PLGRKT: variants seen among roughly 807,000 people sequenced by gnomAD.
PLGRKT encodes the protein plasminogen receptor (KT).
A neutral mutation model predicts 18.5 loss-of-function variants in PLGRKT; 22 were observed. The observed-to-expected ratio is 1.19, with a 90% CI of 0.85 to 1.70. The LOEUF is 1.70. Ranked by LOEUF, PLGRKT falls within the 40% of genes most tolerant of loss-of-function variation. PLGRKT has a pLI of 0.00. For synonymous variants in PLGRKT, 72 were observed against 52.8 expected, an observed-to-expected ratio of 1.36 and a Z score of -1.58; for missense variants, 235 against 174.4, an observed-to-expected ratio of 1.35 and a Z score of -1.96.
chr9:5,421,492 C>T (rs1818574584), intron 3 of PLGRKT, among the ~76,000 whole-genome samples: 1 of 152,202 alleles, frequency 6.6e-6, no homozygotes, highest in Non-Finnish European at 1.5e-5. Context: ...AGTGTAAGTT[C>T]CACAAGGGAA....
intron 3 of PLGRKT, among the ~76,000 whole-genome samples, chr9:5,409,543 A>G (rs1224150639): frequency 6.6e-6 from 1 of 152,134 alleles, no homozygotes; most frequent in African/African-American, 2.4e-5. Flanking sequence ...CCCTTTATAT[A>G]TATACCCAGA....
intron 3 of PLGRKT, among the ~76,000 whole-genome samples, chr9:5,407,117 G>A (rs1818272539): frequency 6.6e-6 from 1 of 151,818 alleles, no homozygotes; most frequent in Non-Finnish European, 1.5e-5. Context: ...TTTTACTTTG[G>A]AGTACATAAT....
intron 5 of PLGRKT, among the ~76,000 whole-genome samples, chr9:5,360,339 G>A (rs1008084034): frequency 6.6e-6 from 1 of 152,194 alleles, no homozygotes; most frequent in African/African-American, 2.4e-5. Flanking sequence ...TAAAGGGCCA[G>A]ACAGTAAATA....
At chr9:5,426,009 T>C (rs1441272832) in intron 3 of PLGRKT, among the ~76,000 whole-genome samples, 3 of 152,202 alleles carry the variant, frequency 2.0e-5, no homozygotes, top group Admixed American at 2.0e-4. Context: ...AAAGATGTTA[T>C]TTAGACATGG....
At chr9:5,388,789 C>G (rs1817892779) in intron 3 of PLGRKT, among the ~76,000 whole-genome samples, 1 of 152,036 alleles carries the variant, frequency 6.6e-6, no homozygotes, top group African/African-American at 2.4e-5. Context: ...GTTTCCTCGT[C>G]TACAAAGTGG....
intron 3 of PLGRKT, chr9:5,419,073 G>C: frequency 3.3e-6 from 1 of 303,722 alleles, no homozygotes; most frequent in Non-Finnish European, 6.4e-6. Context: ...AGGTCATGGG[G>C]AGCTCAGACA....
intron 3 of PLGRKT, among the ~76,000 whole-genome samples, chr9:5,373,924 C>G (rs1478972170): frequency 6.6e-6 from 1 of 152,216 alleles, no homozygotes. Flanking sequence ...CTAAGAACAG[C>G]CAGGCATTGG....
intron 3 of PLGRKT, among the ~76,000 whole-genome samples, chr9:5,422,100 G>T (rs774299117): frequency 6.6e-6 from 1 of 152,104 alleles, no homozygotes; most frequent in Non-Finnish European, 1.5e-5. Flanking sequence ...TCCACACAAC[G>T]AATGTCAAAG....
intron 4 of PLGRKT, among the ~76,000 whole-genome samples, 171 bp from the exon 5 acceptor site, chr9:5,361,358 C>T (rs1817261202): frequency 6.6e-6 from 1 of 152,168 alleles, no homozygotes; most frequent in Admixed American, 6.5e-5. Flanking sequence ...CCCAATACCC[C>T]TAACCAGATT....
At chr9:5,381,941 C>A (rs1586713699) in intron 3 of PLGRKT, 1 of 984,786 alleles carries the variant, frequency 1.0e-6, no homozygotes, top group African/African-American at 1.7e-5. Flanking sequence ...CGAGACAGGG[C>A]CTCCATGCCT....
chr9:5,373,323 G>C (rs1455027514), intron 3 of PLGRKT, among the ~76,000 whole-genome samples: 1 of 152,100 alleles, frequency 6.6e-6, no homozygotes. Flanking sequence ...CCTCTTCCTT[G>C]CTTATCTAAT....
chr9:5,434,155 G>A lies in PLGRKT; in HGVS notation c.-6-2172C>T, dbSNP rs556505142. Among the ~76,000 whole-genome samples, 1,217 of 150,882 alleles carry A rather than the reference G, an allele frequency of 8.1e-3. 19 individuals carry two copies. The highest frequency in any genetic ancestry group is 0.028 in the African/African-American group (1,164 of 40,858). On this transcript the variant is annotated intron_variant, in intron 2 of 5. Transcript: ENST00000223864. ...CTCTGCCCCGCCGCCACCCCGTCTG[G>A]GAAGTGAGGAGCGCCTCTGCCCGGC...
intron 3 of PLGRKT, among the ~76,000 whole-genome samples, chr9:5,423,238 T>C (rs550672031): frequency 2.0e-5 from 3 of 152,310 alleles, no homozygotes; most frequent in East Asian, 1.9e-4. Context: ...AAAGAGGGGA[T>C]TGTGCTGTTT....
At chr9:5,399,690 T>C (rs1818118930) in intron 3 of PLGRKT, among the ~76,000 whole-genome samples, 1 of 151,744 alleles carries the variant, frequency 6.6e-6, no homozygotes, top group Non-Finnish European at 1.5e-5. Flanking sequence ...AAGCAAAATA[T>C]GGAATTAAAA....
intron 3 of PLGRKT, among the ~76,000 whole-genome samples, chr9:5,385,161 T>C (rs576256772): frequency 3.9e-5 from 6 of 152,298 alleles, no homozygotes; most frequent in Non-Finnish European, 5.9e-5. Context: ...TGATTAATAT[T>C]ATTTCAACAA....
At chr9:5,430,906 T>C (rs1471769418) in intron 3 of PLGRKT, among the ~76,000 whole-genome samples, 1 of 152,266 alleles carries the variant, frequency 6.6e-6, no homozygotes, top group African/African-American at 2.4e-5. Flanking sequence ...TCTTCTGCAG[T>C]GCTTTGATCT....
chr9:5,373,301 A>C (rs1817564122), intron 3 of PLGRKT, among the ~76,000 whole-genome samples: 1 of 152,168 alleles, frequency 6.6e-6, no homozygotes, highest in African/African-American at 2.4e-5. Context: ...CCTTCCATGG[A>C]CCTTGTGACT....
At chr9:5,372,751 T>C (rs1463787783) in intron 3 of PLGRKT, among the ~76,000 whole-genome samples, 1 of 152,214 alleles carries the variant, frequency 6.6e-6, no homozygotes, top group Non-Finnish European at 1.5e-5. Context: ...CCAGGTCAGA[T>C]GTAAAACCCA....
chr9:5,394,458 G>C (rs1818007694), intron 3 of PLGRKT, among the ~76,000 whole-genome samples: 1 of 152,008 alleles, frequency 6.6e-6, no homozygotes, highest in African/African-American at 2.4e-5. Context: ...TGTTGCCCAG[G>C]CTGGAGTGCA....
Sources: allele counts gnomAD v4.1 joint callset (sites outside exome capture counted in the v4.1 genomes callset), GRCh38; gene constraint gnomAD v4.1.1; transcripts MANE v1.5; gene names NCBI Gene and HGNC (gene_info 2026-07-23, HGNC 2026-07-21).